The following POLR3B variants were observed in gnomAD, a reference collection of about 807,000 sequenced individuals.
POLR3B encodes the protein DNA-directed RNA polymerase III subunit RPC2.
In POLR3B, 96 loss-of-function variants were observed where a neutral mutation model predicts 147.4. The observed-to-expected ratio is 0.65, with a 90% CI of 0.55 to 0.77. POLR3B has a LOEUF of 0.77. POLR3B is among the 30% of genes least tolerant of loss of function. The pLI is 0.00. For missense variants in POLR3B, 1,036 were observed against 1,413.5 expected (o/e 0.73, Z 4.28); for synonymous variants, 461 against 485.9 (o/e 0.95, Z 0.67).
intron 10 of POLR3B, among the ~76,000 whole-genome samples, chr12:106,393,529 G>GTA (rs1270885929): frequency 2.8e-5 from 4 of 142,878 alleles, no homozygotes; most frequent in African/African-American, 2.6e-5. Flanking sequence ...GTGTGTGTGT[G>GTA]TATGTGTGCA....
At position 106,500,477 on chromosome 12, in the gene POLR3B, A is replaced by G. The variant is rs139976538; in HGVS notation, c.2985-846A>G. On this transcript the variant is annotated intron_variant, in intron 25 of 27. Transcript: ENST00000228347. Reference sequence around the variant, plus strand: ...GTTACTTCTAGTGGGGAAGACAGGCAATAATCCGAGAGATAATAAATGTAC... The same window carrying G: ...GTTACTTCTAGTGGGGAAGACAGGCGATAATCCGAGAGATAATAAATGTAC... 4.5e-3 allele frequency among the ~76,000 whole-genome samples: 690 copies of G among 152,308 alleles called. 4 individuals are homozygous for G. The highest frequency in any genetic ancestry group is 0.016 in the African/African-American group (665 of 41,574).
rs1239550470 is a variant in POLR3B, at chr12:106,496,901, T to A, written c.2967T>A (p.Val989=). 6.2e-7 allele frequency: 1 copy of A among 1,613,970 alleles called. No homozygotes were observed. The highest frequency in any genetic ancestry group is 1.3e-5 in the African/African-American group (1 of 75,020). ...HGYNYLGKDY[V]TSGITGEPLE... is the part of the protein sequence containing the mutation. ...ATAACTACTTGGGGAAAGACTATGT[T>A]ACATCCGGCATCACAGGGTAAGCAT... The change falls in exon 25 of 28, where the codon GTT becomes GTA. Residue 989 remains valine (V), a synonymous_variant. Transcript: ENST00000228347.
At chr12:106,449,148 A>T (rs765655873) in intron 19 of POLR3B, among the ~76,000 whole-genome samples, 1 of 152,154 alleles carries the variant, frequency 6.6e-6, no homozygotes, top group Non-Finnish European at 1.5e-5. Flanking sequence ...TAAACACGAA[A>T]TCCGTTTAAG....
intron 23 of POLR3B, among the ~76,000 whole-genome samples, chr12:106,485,177 C>T (rs1451687162): frequency 6.6e-6 from 1 of 152,140 alleles, no homozygotes; most frequent in African/African-American, 2.4e-5. Flanking sequence ...TGGAGAGGAT[C>T]ATCCCGTGGC....
intron 12 of POLR3B, among the ~76,000 whole-genome samples, chr12:106,414,625 C>T (rs1281777690): frequency 1.3e-5 from 2 of 152,092 alleles, no homozygotes; most frequent in Non-Finnish European, 2.9e-5. Context: ...CTCCCTACTC[C>T]CTACCATGGC....
Position 106,378,124 on chromosome 12 carries a change from G to A in POLR3B, c.497-143G>A, listed in dbSNP as rs1037979257. ...TAAAATAAAATAAAAAATAAAATCA[G>A]CAACCCCTTTGAATCAAGTGTTAGC... On this transcript the variant is annotated intron_variant, in intron 7 of 27. Coordinates refer to ENST00000228347, the MANE Select transcript of POLR3B (RefSeq NM_018082.6). 10 of 649,898 alleles carry A rather than the reference G, an allele frequency of 1.5e-5. No homozygotes were observed. The African/African-American group carries it at 1.7e-4, about 11-fold the overall frequency. The allele number at this position is 649,898 out of a possible 1,614,324, so 40.3% of individuals were successfully genotyped here. A position where few individuals can be genotyped will look rare whatever the true frequency, so the allele number is the denominator to read the frequency against.
intron 12 of POLR3B, among the ~76,000 whole-genome samples, chr12:106,412,034 A>G (rs985822435): frequency 6.6e-6 from 1 of 152,174 alleles, no homozygotes; most frequent in East Asian, 1.9e-4. Flanking sequence ...CTTTGCTGCT[A>G]ATTTCAACGT....
At chr12:106,506,872 A>G (rs1217357651) in intron 27 of POLR3B, among the ~76,000 whole-genome samples, 1 of 152,052 alleles carries the variant, frequency 6.6e-6, no homozygotes. Context: ...TTTTCCCATC[A>G]TTACCTGATC....
chr12:106,508,601 C>T (rs2038726645), intron 27 of POLR3B, among the ~76,000 whole-genome samples: 1 of 152,144 alleles, frequency 6.6e-6, no homozygotes, highest in East Asian at 1.9e-4. Context: ...TCCCCAGGGA[C>T]CCTTCTACAG....
intron 18 of POLR3B, 76 bp downstream of exon 18, chr12:106,437,855 T>G (rs2037598481): frequency 2.5e-6 from 2 of 804,550 alleles, no homozygotes; most frequent in Non-Finnish European, 4.3e-6. Flanking sequence ...ACTGTCATCT[T>G]CAGTCCTTCT....
At chr12:106,404,427 A>G (rs1052165981) in intron 10 of POLR3B, among the ~76,000 whole-genome samples, 2 of 152,076 alleles carry the variant, frequency 1.3e-5, no homozygotes, top group African/African-American at 2.4e-5. Context: ...TGTCCTCATA[A>G]TATCTGGTGT....
At chr12:106,397,213 A>G (rs779974205) in intron 10 of POLR3B, among the ~76,000 whole-genome samples, 8 of 152,186 alleles carry the variant, frequency 5.3e-5, no homozygotes, top group Non-Finnish European at 1.0e-4. Flanking sequence ...AAAAATTTCA[A>G]CATATACAAA....
intron 22 of POLR3B, among the ~76,000 whole-genome samples, chr12:106,461,560 C>T (rs74936392): frequency 0.032 from 4,888 of 152,248 alleles, 144 homozygotes; most frequent in African/African-American, 0.075. Flanking sequence ...CCAAATCAGA[C>T]AGACTCTTTG....
intron 12 of POLR3B, among the ~76,000 whole-genome samples, chr12:106,422,426 A>T (rs1565891572): frequency 6.6e-6 from 1 of 152,204 alleles, no homozygotes; most frequent in Non-Finnish European, 1.5e-5. Flanking sequence ...CCATGAACCA[A>T]TTAAACCTCT....
At chr12:106,437,910 CT>C in intron 18 of POLR3B, 131 bp downstream of exon 18, 45 of 679,404 alleles carry the variant, frequency 6.6e-5, no homozygotes, top group Middle Eastern at 4.0e-4. Context: ...ATACAATCTT[CT>C]TTTTTTTGTT....
chr12:106,426,754 G>A (rs1038869383), intron 12 of POLR3B, among the ~76,000 whole-genome samples: 3 of 148,188 alleles, frequency 2.0e-5, no homozygotes, highest in Admixed American at 1.4e-4. Context: ...TTTCCTAAGT[G>A]ATTGTACCAA....
intron 12 of POLR3B, among the ~76,000 whole-genome samples, chr12:106,422,493 T>C (rs2037385602): frequency 6.6e-6 from 1 of 152,234 alleles, no homozygotes; most frequent in Admixed American, 6.5e-5. Context: ...AAGAGCAGAC[T>C]AATACAGTGC....
intron 2 of POLR3B, among the ~76,000 whole-genome samples, chr12:106,364,782 A>C (rs1277277768): frequency 6.6e-6 from 1 of 152,256 alleles, no homozygotes; most frequent in Non-Finnish European, 1.5e-5. Context: ...AAAAGAAAGC[A>C]GGTACCCGCT....
intron 4 of POLR3B, among the ~76,000 whole-genome samples, chr12:106,369,018 AG>A (rs2036568346): frequency 6.6e-6 from 1 of 152,030 alleles, no homozygotes; most frequent in African/African-American, 2.4e-5. Context: ...TATCATTTTT[AG>A]GGAGCTGTAT....
Sources: gnomAD v4.1 joint callset for allele counts (sites outside exome capture counted in the v4.1 genomes callset) on GRCh38, gnomAD v4.1.1 for gene constraint, MANE v1.5 for transcripts, NCBI Gene and HGNC (gene_info 2026-07-23, HGNC 2026-07-21) for gene names.